The following L3MBTL4 variants were observed in gnomAD, a reference collection of about 807,000 sequenced individuals.
L3MBTL4 encodes the protein lethal(3)malignant brain tumor-like protein 4.
Under a neutral mutation model 84.5 loss-of-function variants are expected in L3MBTL4, and 70 were observed. The observed-to-expected ratio is 0.83, with a 90% CI of 0.68 to 1.01. The LOEUF (loss-of-function observed/expected upper bound fraction) is 1.01. L3MBTL4 is among the 50% of genes least tolerant of loss of function. The pLI, the probability that L3MBTL4 is intolerant of heterozygous loss-of-function variation, is 0.00. For synonymous variants in L3MBTL4, 274 were observed against 259.8 expected (o/e 1.05, Z -0.52); for missense variants, 715 against 754.8 (o/e 0.95, Z 0.62).
intron 16 of L3MBTL4, among the ~76,000 whole-genome samples, chr18:6,071,464 A>G (rs907832004): frequency 1.3e-5 from 2 of 151,480 alleles, no homozygotes; most frequent in Admixed American, 1.3e-4. Flanking sequence ...AATGTATTAA[A>G]TCCTTCAATT....
intron 4 of L3MBTL4, among the ~76,000 whole-genome samples, chr18:6,291,961 T>G (rs191555447): frequency 2.9e-4 from 44 of 151,450 alleles, no homozygotes; most frequent in Middle Eastern, 6.8e-3. Context: ...CTGACAAATA[T>G]GTAAGGAGCT....
At chr18:6,176,589 A>T (rs1173791173) in intron 12 of L3MBTL4, among the ~76,000 whole-genome samples, 1 of 152,206 alleles carries the variant, frequency 6.6e-6, no homozygotes, top group Non-Finnish European at 1.5e-5. Flanking sequence ...ATAAAAGCTA[A>T]AACTACAAAA....
At chr18:6,134,122 A>G (rs1302863709) in intron 14 of L3MBTL4, among the ~76,000 whole-genome samples, 1 of 152,076 alleles carries the variant, frequency 6.6e-6, no homozygotes, top group Non-Finnish European at 1.5e-5. Flanking sequence ...GGTGGGAGCA[A>G]GAGAAAGTGA....
Position 6,012,110 on chromosome 18 carries a change from G to T in L3MBTL4, c.1445-42548C>A, listed in dbSNP as rs534248885. ...AGATGGGAGGAGAGACATTTCAGGA[G>T]TCAGCTCAGGTACCTGTGCTGTAAA... is the stretch of plus-strand genomic sequence containing the variant. On this transcript the variant is annotated intron_variant, in intron 16 of 18. Coordinates refer to ENST00000317931, the MANE Select transcript of L3MBTL4 (RefSeq NM_001330559.2). 6.6e-5 allele frequency among the ~76,000 whole-genome samples: 10 copies of T among 152,322 alleles called. 1 individual carries two copies. In the South Asian group the frequency reaches 8.3e-4, roughly 13 times the overall value.
intron 16 of L3MBTL4, among the ~76,000 whole-genome samples, chr18:6,049,970 G>T (rs1425211117): frequency 6.6e-6 from 1 of 152,148 alleles, no homozygotes; most frequent in Non-Finnish European, 1.5e-5. Flanking sequence ...TTCTTTATTT[G>T]TTAATACAAA....
At chr18:6,343,201 T>C (rs972062883) in intron 1 of L3MBTL4, among the ~76,000 whole-genome samples, 12 of 152,082 alleles carry the variant, frequency 7.9e-5, no homozygotes, top group Admixed American at 7.2e-4. Flanking sequence ...AGAAAATCAA[T>C]AAGGGAACAA....
chr18:5,967,196 G>C (rs1206742500), intron 17 of L3MBTL4, among the ~76,000 whole-genome samples: 1 of 152,176 alleles, frequency 6.6e-6, no homozygotes, highest in African/African-American at 2.4e-5. Context: ...CCCATCTCCC[G>C]GTCCTGGGTT....
intron 1 of L3MBTL4, among the ~76,000 whole-genome samples, chr18:6,327,446 G>GAT (rs2051785404): frequency 6.6e-6 from 1 of 152,144 alleles, no homozygotes; most frequent in African/African-American, 2.4e-5. Context: ...GAGCTACAGT[G>GAT]ATATATATTC....
chr18:6,291,389 A>G (rs4100665), intron 4 of L3MBTL4, among the ~76,000 whole-genome samples: 28,698 of 152,012 alleles, frequency 0.19, 2,843 homozygotes, highest in African/African-American at 0.24. Context: ...CAAACAGCCA[A>G]AGCAATCCTG....
At chr18:6,359,334 A>G (rs1387234482) in intron 1 of L3MBTL4, among the ~76,000 whole-genome samples, 1 of 152,090 alleles carries the variant, frequency 6.6e-6, no homozygotes, top group Non-Finnish European at 1.5e-5. Context: ...AATCCCAGCT[A>G]TTTGGGAGGC....
chr18:6,029,319 T>C, intron 16 of L3MBTL4: 5 of 402,408 alleles, frequency 1.2e-5, no homozygotes, highest in Non-Finnish European at 1.7e-5. Context: ...TATTATAAAG[T>C]AATTAAGATA....
At chr18:6,290,678 C>T (rs58180960) in intron 4 of L3MBTL4, among the ~76,000 whole-genome samples, 28,721 of 152,014 alleles carry the variant, frequency 0.19, 2,857 homozygotes, top group African/African-American at 0.24. Context: ...CAGGCATACA[C>T]CACCATGCCC....
intron 16 of L3MBTL4, among the ~76,000 whole-genome samples, chr18:6,026,033 C>T (rs920657978): frequency 5.3e-5 from 8 of 152,212 alleles, no homozygotes; most frequent in African/African-American, 1.7e-4. Flanking sequence ...ACTTAAACTA[C>T]GTCAGCTGCA....
intron 13 of L3MBTL4, among the ~76,000 whole-genome samples, chr18:6,170,772 G>C (rs916830419): frequency 2.0e-5 from 3 of 152,122 alleles, no homozygotes; most frequent in Non-Finnish European, 4.4e-5. Context: ...AACCATCTCC[G>C]TGACATGCTG....
intron 16 of L3MBTL4, chr18:6,031,744 G>C: frequency 1.0e-6 from 1 of 985,240 alleles, no homozygotes; most frequent in South Asian, 4.7e-5. Flanking sequence ...CAAATGGAAA[G>C]TGCTGTCTCA....
chr18:6,300,683 G>C (rs182461841), intron 4 of L3MBTL4, among the ~76,000 whole-genome samples: 1 of 151,970 alleles, frequency 6.6e-6, no homozygotes, highest in Non-Finnish European at 1.5e-5. Flanking sequence ...TAAATGTTTC[G>C]ACCACAGAAT....
intron 12 of L3MBTL4, among the ~76,000 whole-genome samples, chr18:6,180,094 T>C (rs2044400117): frequency 6.6e-6 from 1 of 151,892 alleles, no homozygotes; most frequent in South Asian, 2.1e-4. Flanking sequence ...TGCAAGAAAA[T>C]AAATCAGGAA....
At chr18:6,402,491 T>C (rs1156261572) in intron 1 of L3MBTL4, among the ~76,000 whole-genome samples, 2 of 152,154 alleles carry the variant, frequency 1.3e-5, no homozygotes, top group African/African-American at 2.4e-5. Flanking sequence ...GGTCACTCAA[T>C]TGCACACCTC....
Position 6,407,367 on chromosome 18 carries a change from C to T in L3MBTL4, c.-91+7434G>A, listed in dbSNP as rs114210734. Among the ~76,000 whole-genome samples the T allele has an allele frequency of 6.4e-3, 976 of 152,186 alleles. 14 individuals carry two copies. Among genetic ancestry groups the T allele is most frequent in the African/African-American group, 0.021 (881 of 41,490 alleles). Reference sequence around the variant, plus strand: ...CACATATCTTCTAGGAATAAAATCACAGCAACCTATAGTTTTAGAAGAGAA... The same window carrying T: ...CACATATCTTCTAGGAATAAAATCATAGCAACCTATAGTTTTAGAAGAGAA... On this transcript the variant is annotated intron_variant, in intron 1 of 18. Transcript: ENST00000317931.
Sources: gnomAD v4.1 joint callset for allele counts (sites outside exome capture counted in the v4.1 genomes callset) on GRCh38, gnomAD v4.1.1 for gene constraint, MANE v1.5 for transcripts, NCBI Gene and HGNC (gene_info 2026-07-23, HGNC 2026-07-21) for gene names.